Variants in MLPH observed in about 807,000 individuals in gnomAD.
MLPH encodes the protein exophilin-3.
Under a neutral mutation model 72.1 loss-of-function variants are expected in MLPH, and 51 were observed. The observed-to-expected ratio is 0.71, with a 90% confidence interval of 0.56 to 0.89. MLPH has a LOEUF of 0.89. MLPH is among the 40% of genes least tolerant of loss of function. The pLI is 0.00. For missense variants in MLPH, 743 were observed against 759.9 expected (o/e 0.98, Z 0.26); for synonymous variants, 301 against 310.1 (o/e 0.97, Z 0.31).
At chr2:237,528,131 T>C (rs1443063517) in intron 8 of MLPH, among the ~76,000 whole-genome samples, 1 of 151,992 alleles carries the variant, frequency 6.6e-6, no homozygotes, top group East Asian at 1.9e-4. Flanking sequence ...GTCAGGGGGA[T>C]GGGAATTAGT....
chr2:237,514,246 A>T (rs1226816574), intron 4 of MLPH, among the ~76,000 whole-genome samples: 1 of 151,950 alleles, frequency 6.6e-6, no homozygotes, highest in Non-Finnish European at 1.5e-5. Flanking sequence ...AAGGAAGGTC[A>T]GATAATTTCT....
chr2:237,529,814 C>G (rs2080380956), intron 8 of MLPH, among the ~76,000 whole-genome samples: 1 of 152,244 alleles, frequency 6.6e-6, no homozygotes, highest in African/African-American at 2.4e-5. Flanking sequence ...GTAGGGCCAG[C>G]TCCTTGGGCA....
chr2:237,549,323 G>T (rs1456402026), intron 14 of MLPH, 45 bp downstream of exon 14: 1 of 1,538,988 alleles, frequency 6.5e-7, no homozygotes, highest in Admixed American at 1.7e-5. Flanking sequence ...TGGGAAATGA[G>T]CTTCGGGGAG....
Position 237,518,499 on chromosome 2 carries a change from T to G in MLPH, c.446-40T>G, listed in dbSNP as rs3751110. ...GCTGACAAATGGCTTGTTCCCAGAC[T>G]GTTTGTCCTTGGGTGGAGTCATGCA... is the stretch of plus-strand genomic sequence containing the variant. On this transcript the variant is annotated intron_variant, in intron 4 of 15. Coordinates refer to ENST00000264605, the MANE Select transcript of MLPH (RefSeq NM_024101.7). 1.1e-5 allele frequency: 17 copies of G among 1,531,408 alleles called. No homozygotes were observed. In the South Asian group the frequency reaches 2.0e-4, roughly 18 times the overall value. The allele number at this position is 1,531,408 out of a possible 1,614,324, so 94.9% of individuals were successfully genotyped here. A position where few individuals can be genotyped will look rare whatever the true frequency, so the allele number is the denominator to read the frequency against.
intron 4 of MLPH, among the ~76,000 whole-genome samples, chr2:237,514,065 G>A (rs956017051): frequency 6.6e-6 from 1 of 152,172 alleles, no homozygotes; most frequent in Non-Finnish European, 1.5e-5. Context: ...GTTCAAGAAA[G>A]GGTGGACTGC....
In MLPH at chr2:237,521,532, T is replaced by C. The variant is rs180958072; in HGVS notation, c.675+1503T>C. Among the ~76,000 whole-genome samples the C allele has an allele frequency of 4.6e-5, 7 of 152,340 alleles. No homozygotes were observed. In the East Asian group the frequency reaches 1.3e-3, roughly 29 times the overall value. On this transcript the variant is annotated intron_variant, in intron 6 of 15. Coordinates refer to ENST00000264605, the MANE Select transcript of MLPH (RefSeq NM_024101.7). ...GTGAAGGAATGCTAGGTGTGGCTGA[T>C]TAATGCCAATTGTGACTATTATAAG... is the stretch of plus-strand genomic sequence containing the variant.
At position 237,527,365 on chromosome 2, in the gene MLPH, C is replaced by G. The variant is rs751250671; in HGVS notation, c.881-12C>G. 6.2e-7 allele frequency: 1 copy of G among 1,614,210 alleles called. No individual in the cohort carries two copies. Among genetic ancestry groups the G allele is most frequent in the Non-Finnish European group, 8.5e-7 (1 of 1,180,040 alleles). On this transcript the variant is annotated splice_polypyrimidine_tract_variant and intron_variant, in intron 7 of 15. Transcript: ENST00000264605. ...TCACTGCAAGTAATTCAAACCCACT[C>G]TCGCTCTGAAGGGTCGAATGTCATC... is the stretch of plus-strand genomic sequence containing the variant.
intron 8 of MLPH, among the ~76,000 whole-genome samples, chr2:237,533,390 C>CTTTTTTTTTTTTTTTTTTTTT (rs746139615): frequency 3.7e-5 from 4 of 107,986 alleles, no homozygotes; most frequent in Non-Finnish European, 5.4e-5. Flanking sequence ...ATTTTCTTTT[C>CTTTTTTTTTTTTTTTTTTTTT]TTTTTTTTTT....
Position 237,540,965 on chromosome 2 carries a change from A to G in MLPH, c.1446+8A>G, listed in dbSNP as rs758706284. On this transcript the variant is annotated splice_region_variant and intron_variant, in intron 11 of 15. Transcript: ENST00000264605. ...CAGCAGGCAGAGAGCGAGGTAGCCC[A>G]GAAGGCACAGGGGAGCACTGAGTTC... 7.5e-6 allele frequency: 12 copies of G among 1,597,844 alleles called. No individual in the cohort carries two copies. In the East Asian group the frequency reaches 2.2e-4, roughly 30 times the overall value.
At chr2:237,545,164 GGGGGGACAGTGGTGAGTGGA>G in intron 12 of MLPH, among the ~76,000 whole-genome samples, 1 of 8,300 alleles carries the variant, frequency 1.2e-4, no homozygotes, top group Non-Finnish European at 2.5e-4. Flanking sequence ...AGTGGTGAGT[GGGGGGACAGTGGTGAGTGGA>G]GGGCACAGTG....
intron 9 of MLPH, among the ~76,000 whole-genome samples, chr2:237,538,073 G>T (rs559401816): frequency 1.1e-4 from 17 of 152,304 alleles, no homozygotes; most frequent in Middle Eastern, 6.8e-3. Context: ...GGGAAGAGTC[G>T]GGAGACACAG....
chr2:237,515,031 C>T (rs6726168), intron 4 of MLPH, among the ~76,000 whole-genome samples: 18,157 of 152,224 alleles, frequency 0.12, 2,118 homozygotes, highest in African/African-American at 0.3. Context: ...GTTTTGCCAA[C>T]TGGTTGACTA....
intron 9 of MLPH, among the ~76,000 whole-genome samples, chr2:237,538,183 G>A (rs1367068224): frequency 6.6e-6 from 1 of 152,216 alleles, no homozygotes; most frequent in Non-Finnish European, 1.5e-5. Context: ...ATTCCATCTG[G>A]GAGAGGCAGG....
In MLPH at chr2:237,527,377, G is replaced by C. The variant is rs147806726; in HGVS notation, c.881G>C (p.Gly294Ala). The C allele has an allele frequency of 1.7e-4, 267 of 1,614,068 alleles. No individual in the cohort carries two copies. The highest frequency in any genetic ancestry group is 2.1e-4 in the Non-Finnish European group (242 of 1,180,044). The change falls in exon 8 of 16, where the codon GGG (glycine) becomes GCG (alanine). Residue 294 changes from glycine to alanine, a missense_variant and splice_region_variant. Coordinates refer to ENST00000264605, the MANE Select transcript of MLPH (RefSeq NM_024101.7). Reference sequence around the variant, plus strand: ...ATTCAAACCCACTCTCGCTCTGAAGGGTCGAATGTCATCAGGAATGAGCAG... The same window carrying C: ...ATTCAAACCCACTCTCGCTCTGAAGCGTCGAATGTCATCAGGAATGAGCAG... ...RMALGTAAAL[G>A]SNVIRNEQLP... is the part of the protein sequence containing the mutation.
At chr2:237,528,485 G>C (rs1251739425) in intron 8 of MLPH, among the ~76,000 whole-genome samples, 1 of 151,868 alleles carries the variant, frequency 6.6e-6, no homozygotes. Flanking sequence ...TGAGTAGCTG[G>C]GAATACAGGC....
intron 8 of MLPH, among the ~76,000 whole-genome samples, chr2:237,529,185 G>A (rs1391268388): frequency 6.6e-6 from 1 of 152,048 alleles, no homozygotes; most frequent in Non-Finnish European, 1.5e-5. Flanking sequence ...TGGGATCACA[G>A]GCGCCCACCA....
intron 2 of MLPH, among the ~76,000 whole-genome samples, chr2:237,498,374 T>A (rs1051558183): frequency 6.6e-6 from 1 of 152,130 alleles, no homozygotes; most frequent in Non-Finnish European, 1.5e-5. Context: ...GGTCTGGAGG[T>A]GACGCCTGCG....
At chr2:237,540,714 G>A (rs747252977) in intron 10 of MLPH, 88 bp from the exon 11 acceptor site, 195 of 1,557,154 alleles carry the variant, frequency 1.3e-4, no homozygotes, top group Non-Finnish European at 1.6e-4. Flanking sequence ...GGTTCAGAGA[G>A]GAGAGCAATA....
intron 6 of MLPH, among the ~76,000 whole-genome samples, chr2:237,522,648 T>A (rs2080214274): frequency 6.6e-6 from 1 of 151,884 alleles, no homozygotes; most frequent in South Asian, 2.1e-4. Context: ...CTGCTGCAAC[T>A]ATAGTGCTGG....
Sources: allele counts gnomAD v4.1 joint callset (sites outside exome capture counted in the v4.1 genomes callset), GRCh38; gene constraint gnomAD v4.1.1; transcripts MANE v1.5; gene names NCBI Gene and HGNC (gene_info 2026-07-23, HGNC 2026-07-21).